Variants in TNFRSF8 observed in about 807,000 individuals in gnomAD.
The protein encoded by TNFRSF8 is tumor necrosis factor receptor superfamily member 8.
A neutral mutation model predicts 70.8 loss-of-function variants in TNFRSF8; 26 were observed. The ratio of observed to expected loss-of-function variants is 0.37; its 90% CI spans 0.27 to 0.51. TNFRSF8 has a LOEUF of 0.51. TNFRSF8 is among the 20% of genes least tolerant of loss of function. The pLI, the probability that TNFRSF8 is intolerant of heterozygous loss-of-function variation, is 0.94. For synonymous variants in TNFRSF8, 356 were observed against 339.2 expected (o/e 1.05, Z -0.54); for missense variants, 720 against 807.9 (o/e 0.89, Z 1.32).
At chr1:12,074,411 C>A (rs1220367527) in intron 1 of TNFRSF8, among the ~76,000 whole-genome samples, 1 of 152,024 alleles carries the variant, frequency 6.6e-6, no homozygotes, top group Non-Finnish European at 1.5e-5. Flanking sequence ...TCCTGAGTAG[C>A]TGGGATTACA....
chr1:12,126,597 T>G (rs1641945190), intron 12 of TNFRSF8, among the ~76,000 whole-genome samples: 1 of 152,116 alleles, frequency 6.6e-6, no homozygotes, highest in Non-Finnish European at 1.5e-5. Context: ...CTACCCTCCC[T>G]TTCTCCCTCT....
At chr1:12,093,808 C>T (rs1384985905) in intron 2 of TNFRSF8, among the ~76,000 whole-genome samples, 6 of 150,608 alleles carry the variant, frequency 4.0e-5, no homozygotes, top group East Asian at 2.1e-4. Context: ...CGGTGGCTCA[C>T]GCCTGTAATC....
rs768723134 is a variant in TNFRSF8 at position 12,104,527 on chromosome 1, C to T, written c.417C>T (p.Phe139=). ...SVCPAGMIVK[F]PGTAQKNTVC... ...GTCCGGCAGGGATGATTGTCAAGTT[C>T]CCAGGTCAGTGTCCCCACCCTTAAC... Residue 139 remains phenylalanine (F), a synonymous_variant, in exon 4 of 15, where the codon TTC becomes TTT. Transcript: ENST00000263932. 1 of 1,614,194 alleles carries T rather than the reference C, an allele frequency of 6.2e-7. No individual in the cohort carries two copies. The highest frequency in any genetic ancestry group is 1.7e-5 in the Admixed American group (1 of 60,016).
chr1:12,101,742 G>A (rs904197205), intron 3 of TNFRSF8, among the ~76,000 whole-genome samples: 5 of 152,110 alleles, frequency 3.3e-5, no homozygotes, highest in Non-Finnish European at 7.3e-5. Flanking sequence ...GTGCAATGGC[G>A]CAATCTCGGC....
At position 12,109,558 on chromosome 1, in the gene TNFRSF8, C is replaced by A; in HGVS notation, c.422-8C>A. The A allele has an allele frequency of 1.2e-6, 2 of 1,612,818 alleles. No individual in the cohort carries two copies. The highest frequency in any genetic ancestry group is 1.7e-6 in the Non-Finnish European group (2 of 1,179,300). On this transcript the variant is annotated splice_polypyrimidine_tract_variant and splice_region_variant and intron_variant, in intron 4 of 14. Coordinates refer to ENST00000263932, the MANE Select transcript of TNFRSF8 (RefSeq NM_001243.5). This position sits in a 1 kb window ranked among gnomAD's most constrained non-coding sequence, Gnocchi z 4.4. ...CTGATTCTGAAGGCACTGCTGTCCC[C>A]CCTGCAGGCACGGCGCAGAAGAACA... is the stretch of plus-strand genomic sequence containing the variant.
chr1:12,065,486 TC>T (rs1640724839), intron 1 of TNFRSF8, among the ~76,000 whole-genome samples: 1 of 152,210 alleles, frequency 6.6e-6, no homozygotes, highest in African/African-American at 2.4e-5. Flanking sequence ...TAAAGCCAAG[TC>T]TTTTGACACC....
intron 1 of TNFRSF8, among the ~76,000 whole-genome samples, chr1:12,079,336 C>T (rs1050872750): frequency 2.0e-5 from 3 of 152,222 alleles, no homozygotes; most frequent in African/African-American, 7.2e-5. Context: ...GGACACCTCA[C>T]TTTGCCTTGA....
In TNFRSF8 at chr1:12,087,620, G is replaced by A. The variant is rs567845714; in HGVS notation, c.151+3069G>A. 2.0e-4 allele frequency among the ~76,000 whole-genome samples: 31 copies of A among 152,244 alleles called. No individual in the cohort carries two copies. In the South Asian group the frequency reaches 2.9e-3, roughly 14 times the overall value. On this transcript the variant is annotated intron_variant, in intron 2 of 14. Coordinates refer to ENST00000263932, the MANE Select transcript of TNFRSF8 (RefSeq NM_001243.5). ...TTCCCACTCAGTTCTCTCAGGGCCC[G>A]CTTGCTGTGGTTTTTATCCTCTGGA...
chr1:12,130,910 C>T (rs1642035832), intron 12 of TNFRSF8, among the ~76,000 whole-genome samples: 1 of 152,206 alleles, frequency 6.6e-6, no homozygotes, highest in Non-Finnish European at 1.5e-5. Context: ...AAGATTTGTT[C>T]TGGGTCTTTA....
In TNFRSF8 at chr1:12,126,176, G is replaced by C; in HGVS notation, c.1256-7G>C. 1 of 1,614,106 alleles carries C rather than the reference G, an allele frequency of 6.2e-7. No individual in the cohort carries two copies. Among genetic ancestry groups the C allele is most frequent in the Non-Finnish European group, 8.5e-7 (1 of 1,180,014 alleles). ...CACCCCCAGCCTTCCTCCTGGTGTC[G>C]TTTCAGAGCTCCACCTGTGCTACCC... On this transcript the variant is annotated splice_region_variant and splice_polypyrimidine_tract_variant and intron_variant, in intron 11 of 14. Transcript: ENST00000263932.
intron 1 of TNFRSF8, among the ~76,000 whole-genome samples, chr1:12,069,863 G>A (rs894724278): frequency 6.6e-6 from 1 of 152,228 alleles, no homozygotes; most frequent in African/African-American, 2.4e-5. Flanking sequence ...CTAAGATGGG[G>A]AAAACAGGAC....
chr1:12,088,419 G>C lies in TNFRSF8; in HGVS notation c.151+3868G>C, dbSNP rs1478971409. Among the ~76,000 whole-genome samples the C allele has an allele frequency of 1.3e-5, 2 of 152,138 alleles. No individual in the cohort carries two copies. Among genetic ancestry groups the C allele is most frequent in the African/African-American group, 4.8e-5 (2 of 41,424 alleles). ...TGCACAAGGCCACATGCGTATCAGT[G>C]GCTCAGCCGGGCCGTGAACATGACC... On this transcript the variant is annotated intron_variant, in intron 2 of 14. Transcript: ENST00000263932. This position sits in a 1 kb window ranked among gnomAD's most constrained non-coding sequence, Gnocchi z 4.0.
chr1:12,131,650 C>G (rs1473714055), intron 12 of TNFRSF8, among the ~76,000 whole-genome samples: 1 of 152,048 alleles, frequency 6.6e-6, no homozygotes, highest in Non-Finnish European at 1.5e-5. Flanking sequence ...CACACCACCA[C>G]GCCCAGCTAA....
chr1:12,067,076 G>A lies in TNFRSF8; in HGVS notation c.63+3415G>A, dbSNP rs141595243. Among the ~76,000 whole-genome samples, 178 of 152,240 alleles carry A rather than the reference G, an allele frequency of 1.2e-3. No individual in the cohort carries two copies. The Middle Eastern group carries it at 0.017, about 15-fold the overall frequency. On this transcript the variant is annotated intron_variant, in intron 1 of 14. Transcript: ENST00000263932. ...TCTGAGAGTTGGCCTCTGATGCTTC[G>A]TATCACTGTCTTGTCCAATTGTGTT...
At chr1:12,131,167 A>G (rs1297553279) in intron 12 of TNFRSF8, among the ~76,000 whole-genome samples, 12 of 152,170 alleles carry the variant, frequency 7.9e-5, no homozygotes, top group African/African-American at 2.9e-4. Flanking sequence ...AATTCTAAGT[A>G]GGCCAGGTGT....
intron 2 of TNFRSF8, among the ~76,000 whole-genome samples, chr1:12,090,851 C>A (rs1641236690): frequency 6.6e-6 from 1 of 152,096 alleles, no homozygotes; most frequent in Non-Finnish European, 1.5e-5. Context: ...TGCCCGTATC[C>A]CCCAACCAAT....
At chr1:12,098,405 C>T (rs889776831) in intron 3 of TNFRSF8, among the ~76,000 whole-genome samples, 3 of 152,050 alleles carry the variant, frequency 2.0e-5, no homozygotes, top group African/African-American at 7.2e-5. Context: ...ACATTGCCCT[C>T]CCCAGCCCTC....
At chr1:12,140,110 G>T (rs933338623) in intron 14 of TNFRSF8, among the ~76,000 whole-genome samples, 1 of 152,222 alleles carries the variant, frequency 6.6e-6, no homozygotes. Context: ...CCCAGGGGTG[G>T]GGTTCAGAGG....
At chr1:12,070,023 G>C (rs990219255) in intron 1 of TNFRSF8, among the ~76,000 whole-genome samples, 3 of 152,180 alleles carry the variant, frequency 2.0e-5, no homozygotes, top group South Asian at 4.1e-4. Flanking sequence ...TGAGTGGAGA[G>C]GGGTGGTTAG....
Sources: gnomAD v4.1 joint callset for allele counts (sites outside exome capture counted in the v4.1 genomes callset) on GRCh38, gnomAD v4.1.1 for gene constraint, Gnocchi (gnomAD v3.1) non-coding constraint, MANE v1.5 for transcripts, NCBI Gene and HGNC (gene_info 2026-07-23, HGNC 2026-07-21) for gene names.